Variants in DYRK1A observed in about 807,000 individuals in gnomAD.
DYRK1A encodes the protein dual specificity tyrosine phosphorylation regulated kinase 1A.
DYRK1A carries 9 observed loss-of-function variants against 79.7 expected under a neutral mutation model. The ratio of observed to expected loss-of-function variants is 0.11; its 90% CI spans 0.07 to 0.20. DYRK1A has a LOEUF of 0.20. DYRK1A is among the 10% of genes least tolerant of loss of function. DYRK1A has a pLI of 1.00. For missense variants in DYRK1A, 622 were observed against 956.0 expected (o/e 0.65, Z 4.61); for synonymous variants, 349 against 329.7 (o/e 1.06, Z -0.63).
At chr21:37,419,576 A>T (rs901023038) in intron 1 of DYRK1A, 1 of 152,152 alleles carries the variant, frequency 6.6e-6, no homozygotes, top group Admixed American at 6.6e-5. Context: ...TTTAAAACAT[A>T]AAGTTTTCAC....
At chr21:37,452,258 C>T (rs2051478166) in intron 2 of DYRK1A, among the ~76,000 whole-genome samples, 1 of 149,420 alleles carries the variant, frequency 6.7e-6, no homozygotes, top group Non-Finnish European at 1.5e-5. Context: ...TGGCCCCTTT[C>T]TGGATTAAGA....
intron 1 of DYRK1A, among the ~76,000 whole-genome samples, chr21:37,394,242 A>AT (rs1333541823): frequency 1.5e-5 from 2 of 131,068 alleles, no homozygotes; most frequent in Non-Finnish European, 3.4e-5. Flanking sequence ...TTTTTTTCTA[A>AT]TTTTTTTAAA....
At chr21:37,500,636 GT>G (rs1419006014) in intron 9 of DYRK1A, among the ~76,000 whole-genome samples, 2 of 152,038 alleles carry the variant, frequency 1.3e-5, no homozygotes, top group African/African-American at 4.8e-5. Flanking sequence ...TATAATTTAT[GT>G]TTTTTGATGA....
chr21:37,407,410 G>A (rs2050168591), intron 1 of DYRK1A, among the ~76,000 whole-genome samples: 1 of 152,104 alleles, frequency 6.6e-6, no homozygotes, highest in Non-Finnish European at 1.5e-5. Flanking sequence ...AAATTTTGGA[G>A]CATTTTGGAG....
chr21:37,394,126 AAAAG>A (rs1455981644), intron 1 of DYRK1A, among the ~76,000 whole-genome samples: 4 of 152,328 alleles, frequency 2.6e-5, no homozygotes, highest in South Asian at 4.1e-4. Flanking sequence ...CTGAAAGGGA[AAAAG>A]AAAGATAACT....
chr21:37,397,795 C>T (rs2049982594), intron 1 of DYRK1A, among the ~76,000 whole-genome samples: 1 of 152,100 alleles, frequency 6.6e-6, no homozygotes, highest in Admixed American at 6.6e-5. Context: ...ATGCAGCTGT[C>T]AGTGGTATGG....
chr21:37,484,809 C>G (rs1265329756), intron 5 of DYRK1A, among the ~76,000 whole-genome samples: 2 of 152,168 alleles, frequency 1.3e-5, no homozygotes, highest in Non-Finnish European at 2.9e-5. Flanking sequence ...AGCACAGGAA[C>G]CCTGTGACGA....
chr21:37,378,215 C>T (rs367577099), intron 1 of DYRK1A, among the ~76,000 whole-genome samples: 31 of 152,326 alleles, frequency 2.0e-4, no homozygotes, highest in African/African-American at 6.7e-4. Flanking sequence ...ATTCATTCTT[C>T]ATCAGATGTA....
intron 1 of DYRK1A, among the ~76,000 whole-genome samples, chr21:37,397,650 T>C (rs910483657): frequency 5.9e-5 from 9 of 152,168 alleles, no homozygotes; most frequent in Non-Finnish European, 1.0e-4. Context: ...TTAATCTAAA[T>C]ACCCAAAGTT....
intron 2 of DYRK1A, among the ~76,000 whole-genome samples, chr21:37,448,543 A>G (rs138392848): frequency 1.7e-4 from 26 of 152,310 alleles, no homozygotes; most frequent in African/African-American, 6.3e-4. Flanking sequence ...AATTTGTGGG[A>G]AAATAGGAAG....
chr21:37,462,211 T>C (rs7281213), intron 2 of DYRK1A, among the ~76,000 whole-genome samples: 64,104 of 151,978 alleles, frequency 0.42, 14,532 homozygotes, highest in African/African-American at 0.59. Context: ...TGCTTCTTGC[T>C]GTGCCTAGTG....
intron 2 of DYRK1A, among the ~76,000 whole-genome samples, chr21:37,455,246 G>T (rs1457508811): frequency 1.3e-5 from 2 of 152,062 alleles, no homozygotes; most frequent in African/African-American, 2.4e-5. Flanking sequence ...TAACCTTAGA[G>T]CTGGGACCAG....
Position 37,512,033 on chromosome 21 carries a change from G to A in DYRK1A, c.1767G>A (p.Leu589=), listed in dbSNP as rs1555994711. ...ATGTAGCCCCTCAACAGAATGCATT[G>A]CATCATCACCATGGTAACAGTTCCC... ...TFHVAPQQNA[L]HHHHGNSSHH... is the part of the protein sequence containing the mutation. The change falls in exon 12 of 12, where the codon TTG becomes TTA. Residue 589 remains leucine (L), a synonymous_variant. Transcript: ENST00000647188. 1 of 1,613,998 alleles carries A rather than the reference G, an allele frequency of 6.2e-7. No homozygotes were observed. Among genetic ancestry groups the A allele is most frequent in the African/African-American group, 1.3e-5 (1 of 74,982 alleles).
intron 2 of DYRK1A, among the ~76,000 whole-genome samples, chr21:37,472,033 G>A (rs2052243307): frequency 6.6e-6 from 1 of 152,134 alleles, no homozygotes; most frequent in Admixed American, 6.5e-5. Flanking sequence ...CCTACCCGTA[G>A]GATAATTATT....
chr21:37,371,388 AGCTAGGTAT>A (rs2049426774), intron 1 of DYRK1A, among the ~76,000 whole-genome samples: 1 of 152,268 alleles, frequency 6.6e-6, no homozygotes, highest in South Asian at 2.1e-4. Flanking sequence ...TGCGTAAGCC[AGCTAGGTAT>A]TTAAAAAGTT....
intron 2 of DYRK1A, among the ~76,000 whole-genome samples, chr21:37,431,456 A>G (rs981953756): frequency 1.3e-5 from 2 of 152,232 alleles, no homozygotes; most frequent in African/African-American, 4.8e-5. Context: ...ATTGAAAGTC[A>G]GCACCTGTAC....
rs2053821781 is a variant in DYRK1A, at chr21:37,513,567, T to G, written c.*1036T>G. ...TGCGTGTGTCATAAAGTTGACTTCC[T>G]TATTGGTTGAAGGTCACAGAAGTAG... On this transcript the variant is annotated 3_prime_UTR_variant, in exon 12 of 12. Coordinates refer to ENST00000647188, the MANE Select transcript of DYRK1A (RefSeq NM_001347721.2). 6.6e-6 allele frequency: 1 copy of G among 152,628 alleles called. No homozygotes were observed. The highest frequency in any genetic ancestry group is 6.5e-5 in the Admixed American group (1 of 15,284). 9.5% of individuals were successfully genotyped at this position (152,628 alleles called of 1,614,324 possible). A position where few individuals can be genotyped will look rare whatever the true frequency, so the allele number is the denominator to read the frequency against.
At chr21:37,453,740 G>A (rs2051538011) in intron 2 of DYRK1A, among the ~76,000 whole-genome samples, 1 of 152,162 alleles carries the variant, frequency 6.6e-6, no homozygotes, top group Non-Finnish European at 1.5e-5. Context: ...TTAGGTGCTG[G>A]TTAGTTGAGG....
chr21:37,442,438 A>G (rs963838315), intron 2 of DYRK1A, among the ~76,000 whole-genome samples: 1 of 152,152 alleles, frequency 6.6e-6, no homozygotes, highest in Non-Finnish European at 1.5e-5. Context: ...TTGAGTACTC[A>G]TTTGGAATTC....
Sources: allele counts gnomAD v4.1 joint callset (sites outside exome capture counted in the v4.1 genomes callset), GRCh38; gene constraint gnomAD v4.1.1; transcripts MANE v1.5; gene names NCBI Gene and HGNC (gene_info 2026-07-23, HGNC 2026-07-21).